The following DNMT3A variants were observed in gnomAD, a reference collection of about 807,000 sequenced individuals.
DNMT3A encodes DNA (cytosine-5)-methyltransferase 3A.
Under a neutral mutation model 117.6 loss-of-function variants are expected in DNMT3A, and 267 were observed. The observed-to-expected ratio is 2.27, with a 90% CI of 2.05 to 2.51. The LOEUF is 2.51. Ranked by LOEUF, DNMT3A falls within the 30% of genes most tolerant of loss-of-function variation. DNMT3A has a pLI of 0.00. For synonymous variants in DNMT3A, 432 were observed against 474.8 expected, an observed-to-expected ratio of 0.91 and a Z score of 1.17; for missense variants, 1,029 against 1,260.2, an observed-to-expected ratio of 0.82 and a Z score of 2.78.
In DNMT3A at chr2:25,300,718, T is replaced by C. The variant is rs1433599323; in HGVS notation, c.73-475A>G. Among the ~76,000 whole-genome samples, 27 of 5,398 alleles carry C rather than the reference T, an allele frequency of 5.0e-3. 1 individual carries two copies. Among genetic ancestry groups the C allele is most frequent in the Non-Finnish European group, 8.2e-3 (21 of 2,564 alleles). The allele number at this position is 5,398 out of a possible 152,430, so 3.5% of individuals were successfully genotyped here. On this transcript the variant is annotated intron_variant, in intron 2 of 22. Transcript: ENST00000321117. Reference sequence around the variant, plus strand: ...TTATATATCTAAATAATATAATATATATATATATATATATATATATATATA... The same window carrying C: ...TTATATATCTAAATAATATAATATACATATATATATATATATATATATATA...
chr2:25,293,133 GACA>G lies in DNMT3A; in HGVS notation c.177+7003_177+7005del, dbSNP rs1380661059. ...GCTCCCTTCCAGAAGCCTTGTCTCT[GACA>G]ACAACGCTGATGCTGTCCCTGTTGT... On this transcript the variant is annotated intron_variant, in intron 3 of 22. Coordinates refer to ENST00000321117, the MANE Select transcript of DNMT3A (RefSeq NM_022552.5). The surrounding 1 kb of genome is among the most constrained non-coding windows in gnomAD (Gnocchi z 4.7). Among the ~76,000 whole-genome samples, 65 of 152,110 alleles carry G rather than the reference GACA, an allele frequency of 4.3e-4. No homozygotes were observed. The highest frequency in any genetic ancestry group is 4.2e-3 in the Admixed American group (64 of 15,272).
In DNMT3A at chr2:25,341,835, G is replaced by C. The variant is rs1198524922; in HGVS notation, c.-187C>G. 1 of 979,536 alleles carries C rather than the reference G, an allele frequency of 1.0e-6. No homozygotes were observed. Among genetic ancestry groups the C allele is most frequent in the African/African-American group, 1.8e-5 (1 of 56,172 alleles). The allele number at this position is 979,536 out of a possible 1,614,324, so 60.7% of individuals were successfully genotyped here. A position where few individuals can be genotyped will look rare whatever the true frequency, so the allele number is the denominator to read the frequency against. ...CAGCGGCGCTCATTACCGTATGGCC[G>C]GTGGGGTCGGGCCGGCCCGGCTGCG... On this transcript the variant is annotated 5_prime_UTR_variant, in exon 1 of 23. Transcript: ENST00000321117.
In DNMT3A at chr2:25,248,396, G is replaced by A. The variant is rs75078064; in HGVS notation, c.640-144C>T. 3.3e-3 allele frequency: 2,805 copies of A among 855,976 alleles called. 65 individuals carry two copies. The African/African-American group carries it at 0.044, about 13-fold the overall frequency. 53.0% of individuals were successfully genotyped at this position (855,976 alleles called of 1,614,324 possible). A position where few individuals can be genotyped will look rare whatever the true frequency, so the allele number is the denominator to read the frequency against. ...GAGAGAGCCAACCAGCTGCCTTGCC[G>A]TGAAAAATGGAAAGACTTGAAGTAG... On this transcript the variant is annotated intron_variant, in intron 6 of 22. Coordinates refer to ENST00000321117, the MANE Select transcript of DNMT3A (RefSeq NM_022552.5).
rs1673697137 is a variant in DNMT3A at position 25,239,166 on chromosome 2, G to A, written c.2372C>T (p.Ala791Val). The A allele has an allele frequency of 6.2e-7, 1 of 1,613,988 alleles. No individual in the cohort carries two copies. The highest frequency in any genetic ancestry group is 8.5e-7 in the Non-Finnish European group (1 of 1,179,988). Residue 791 changes from alanine (A) to valine (V), a missense_variant, in exon 20 of 23, where the codon GCC becomes GTC. Ala to Val is a moderately conservative substitution (Grantham distance 64). Coordinates refer to ENST00000321117, the MANE Select transcript of DNMT3A (RefSeq NM_022552.5). The part of the protein sequence containing the change: ...DAKEVSAAHR[A>V]RYFWGNLPGM... ...GGGAAGGTTACCCCAGAAGTAGCGG[G>A]CCCTGTGTGCAGCTGACACTTCTTT...
intron 3 of DNMT3A, among the ~76,000 whole-genome samples, chr2:25,290,122 T>C (rs1264209822): frequency 6.6e-6 from 1 of 152,154 alleles, no homozygotes; most frequent in Non-Finnish European, 1.5e-5. Context: ...CCACCACACC[T>C]AACTTTTTAT....
intron 1 of DNMT3A, among the ~76,000 whole-genome samples, chr2:25,316,956 C>T (rs1421088774): frequency 6.6e-6 from 1 of 152,244 alleles, no homozygotes; most frequent in Non-Finnish European, 1.5e-5. Context: ...TGATCACCAT[C>T]TCCACTGCGT....
At chr2:25,323,618 G>T (rs56083116) in intron 1 of DNMT3A, among the ~76,000 whole-genome samples, 6 of 152,152 alleles carry the variant, frequency 3.9e-5, no homozygotes, top group African/African-American at 1.4e-4. Context: ...TTCCAAGAGC[G>T]CCTGGCACAG....
chr2:25,304,954 C>T lies in DNMT3A; in HGVS notation c.73-4711G>A, dbSNP rs1414824584. On this transcript the variant is annotated intron_variant, in intron 2 of 22. Transcript: ENST00000321117. The surrounding 1 kb of genome is among the most constrained non-coding windows in gnomAD (Gnocchi z 4.3). ...AAGACCCTTCCTCTCCTATAGTTCC[C>T]CTACCCAGCAAGGCAACGGTCAGCT... Among the ~76,000 whole-genome samples, 28 of 152,224 alleles carry T rather than the reference C, an allele frequency of 1.8e-4. No individual in the cohort carries two copies. The highest frequency in any genetic ancestry group is 1.8e-3 in the Admixed American group (28 of 15,288).
Position 25,248,127 on chromosome 2 carries a change from G to A in DNMT3A, c.765C>T (p.Ser255=), listed in dbSNP as rs768369047. The part of the protein sequence containing the change: ...PAVQQPTDPA[S]PTVATTPEPV... ...GCTCAGGCGTGGTAGCCACAGTGGG[G>A]GATGCGGGGTCAGTGGGCTGCTGCA... Residue 255 remains serine (S), a synonymous_variant, in exon 7 of 23, where the codon TCC becomes TCT. Coordinates refer to ENST00000321117, the MANE Select transcript of DNMT3A (RefSeq NM_022552.5). 8 of 1,613,660 alleles carry A rather than the reference G, an allele frequency of 5.0e-6. No homozygotes were observed. The African/African-American group carries it at 8.0e-5, about 16-fold the overall frequency.
At chr2:25,235,206 A>G in intron 22 of DNMT3A, among the ~76,000 whole-genome samples, 1 of 148,066 alleles carries the variant, frequency 6.8e-6, no homozygotes. Flanking sequence ...TTTCCCTTTG[A>G]GATGGAATCT....
intron 6 of DNMT3A, among the ~76,000 whole-genome samples, chr2:25,274,042 G>C (rs2031180449): frequency 6.6e-6 from 1 of 152,066 alleles, no homozygotes; most frequent in Admixed American, 6.5e-5. Flanking sequence ...TCCCACCTCT[G>C]TCGCCCGTAC....
intron 20 of DNMT3A, 91 bp downstream of exon 20, chr2:25,239,039 G>C (rs948617924): frequency 1.8e-6 from 2 of 1,131,758 alleles, no homozygotes; most frequent in African/African-American, 3.1e-5. Flanking sequence ...AGGCCGGCCA[G>C]AGAGGGCCCG....
intron 2 of DNMT3A, among the ~76,000 whole-genome samples, chr2:25,300,622 TAG>T (rs1261611753): frequency 8.2e-4 from 4 of 4,888 alleles, no homozygotes; most frequent in Non-Finnish European, 2.7e-3. Flanking sequence ...ATATATTATT[TAG>T]ATATCTAAAT....
intron 2 of DNMT3A, among the ~76,000 whole-genome samples, chr2:25,310,439 C>G (rs1337056314): frequency 6.6e-6 from 1 of 152,054 alleles, no homozygotes; most frequent in East Asian, 1.9e-4. Flanking sequence ...CCCATCTCCC[C>G]AAGCAGCCCT....
intron 1 of DNMT3A, among the ~76,000 whole-genome samples, chr2:25,334,140 G>A (rs2035119421): frequency 6.6e-6 from 1 of 152,200 alleles, no homozygotes; most frequent in Non-Finnish European, 1.5e-5. Flanking sequence ...AGCCTCGGGG[G>A]AAGGGAAGCC....
chr2:25,240,432 A>G lies in DNMT3A; in HGVS notation c.2192T>C (p.Phe731Ser). The change falls in exon 19 of 23, where the codon TTC (phenylalanine) becomes TCC (serine). Residue 731 changes from phenylalanine (F) to serine (S), a missense_variant. By Grantham distance (155) the Phe-to-Ser change is radical. Transcript: ENST00000321117. ...KGLYEGTGRL[F>S]FEFYRLLHDA... is the part of the protein sequence containing the mutation. ...ATGCAGGAGGCGGTAGAACTCAAAG[A>G]AGAGCCGGCCAGTGCCCTCTGAGAG... 1 of 1,610,818 alleles carries G rather than the reference A, an allele frequency of 6.2e-7. No homozygotes were observed. Among genetic ancestry groups the G allele is most frequent in the Non-Finnish European group, 8.5e-7 (1 of 1,178,348 alleles).
rs1235207239 is a variant in DNMT3A at position 25,230,180 on chromosome 2, G to A, written c.*4099C>T. On this transcript the variant is annotated 3_prime_UTR_variant, in exon 23 of 23. Transcript: ENST00000321117. ...AAGTCTCTGGGGCCTAGAGACAAAA[G>A]GACAGCAACAGATTCATGTCATCAT... The A allele has an allele frequency of 6.6e-6, 1 of 152,254 alleles. No homozygotes were observed. Among genetic ancestry groups the A allele is most frequent in the East Asian group, 1.9e-4 (1 of 5,198 alleles). The allele number at this position is 152,254 out of a possible 1,614,324, so 9.4% of individuals were successfully genotyped here.
At chr2:25,274,049 G>A (rs538340834) in intron 6 of DNMT3A, among the ~76,000 whole-genome samples, 25 of 152,208 alleles carry the variant, frequency 1.6e-4, no homozygotes, top group Non-Finnish European at 2.9e-4. Flanking sequence ...TCTGTCGCCC[G>A]TACTTCCCTA....
At chr2:25,261,123 A>ACCCCG (rs1676566907) in intron 6 of DNMT3A, among the ~76,000 whole-genome samples, 1 of 151,670 alleles carries the variant, frequency 6.6e-6, no homozygotes, top group Non-Finnish European at 1.5e-5. Context: ...GTGAAAACCC[A>ACCCCG]TCTCTACTAA....
Sources: allele counts gnomAD v4.1 joint callset (sites outside exome capture counted in the v4.1 genomes callset), GRCh38; gene constraint gnomAD v4.1.1; non-coding constraint Gnocchi (gnomAD v3.1); transcripts MANE v1.5; gene names NCBI Gene and HGNC (gene_info 2026-07-23, HGNC 2026-07-21).